The following MGAT4C variants were observed in gnomAD, a reference collection of about 807,000 sequenced individuals.
MGAT4C encodes the protein alpha-1,3-mannosyl-glycoprotein 4-beta-N-acetylglucosaminyltransferase C.
Under a neutral mutation model 40.1 loss-of-function variants are expected in MGAT4C, and 19 were observed. The observed-to-expected ratio is 0.47, with a 90% CI of 0.33 to 0.70. The LOEUF (loss-of-function observed/expected upper bound fraction) is 0.70. Ranked by LOEUF, MGAT4C falls within the 30% of genes least tolerant of loss-of-function variation. The pLI is 0.02. For missense variants in MGAT4C, 491 were observed against 563.2 expected, an observed-to-expected ratio of 0.87 and a Z score of 1.30; for synonymous variants, 181 against 187.1, an observed-to-expected ratio of 0.97 and a Z score of 0.27.
intron 1 of MGAT4C, among the ~76,000 whole-genome samples, chr12:86,134,040 T>A (rs1456083481): frequency 2.0e-5 from 3 of 152,056 alleles, no homozygotes; most frequent in Non-Finnish European, 2.9e-5. Context: ...TTTTCTTGAA[T>A]TCAAGAAGAA....
chr12:86,736,406 C>A (rs1950986434), intron 1 of MGAT4C, among the ~76,000 whole-genome samples: 1 of 151,834 alleles, frequency 6.6e-6, no homozygotes, highest in Admixed American at 6.6e-5. Context: ...TCATACTTCC[C>A]TTATTATCCG....
chr12:86,132,126 T>A (rs1182081586), intron 1 of MGAT4C, among the ~76,000 whole-genome samples: 1 of 152,144 alleles, frequency 6.6e-6, no homozygotes, highest in Admixed American at 6.5e-5. Context: ...ATTCTCATGC[T>A]GAAATTAAAA....
At chr12:86,658,258 T>C (rs755947028) in intron 2 of MGAT4C, among the ~76,000 whole-genome samples, 6 of 152,074 alleles carry the variant, frequency 3.9e-5, no homozygotes, top group African/African-American at 9.7e-5. Context: ...AAGCAATCAA[T>C]TGAATAGCAG....
chr12:86,690,663 G>A (rs944644492), intron 2 of MGAT4C, among the ~76,000 whole-genome samples: 5 of 152,058 alleles, frequency 3.3e-5, no homozygotes, highest in Admixed American at 6.6e-5. Flanking sequence ...GAGATGAGCC[G>A]GGTACCTTAG....
Position 86,825,804 on chromosome 12 carries a change from G to A in MGAT4C, c.-262+12862C>T, listed in dbSNP as rs1042957434. Among the ~76,000 whole-genome samples the A allele has an allele frequency of 5.3e-5, 8 of 151,516 alleles. No homozygotes were observed. The South Asian group carries it at 1.7e-3, about 31-fold the overall frequency. On this transcript the variant is annotated intron_variant, in intron 1 of 7. Coordinates refer to the MGAT4C transcript ENST00000548651. Reference sequence around the variant, plus strand: ...GATACTACAGTGCCCCTTGGCTGATGCAAGTGAACATAAATTTATATATTT... The same window carrying A: ...GATACTACAGTGCCCCTTGGCTGATACAAGTGAACATAAATTTATATATTT...
At chr12:86,051,930 T>A (rs1892937487) in intron 1 of MGAT4C, among the ~76,000 whole-genome samples, 1 of 151,832 alleles carries the variant, frequency 6.6e-6, no homozygotes, top group South Asian at 2.1e-4. Context: ...TGCAAATAAT[T>A]GTGCTAGCAT....
intron 1 of MGAT4C, among the ~76,000 whole-genome samples, chr12:86,808,980 C>G (rs959645609): frequency 1.3e-5 from 2 of 152,026 alleles, no homozygotes; most frequent in Non-Finnish European, 2.9e-5. Flanking sequence ...CATTCCAATA[C>G]ACCAACAACC....
intron 1 of MGAT4C, 119 bp from the exon 2 acceptor site, chr12:86,049,842 A>G (rs896813135): frequency 4.6e-5 from 9 of 194,498 alleles, no homozygotes; most frequent in Non-Finnish European, 1.9e-5. Context: ...CATTAGGATC[A>G]TATTTATAAA....
intron 1 of MGAT4C, among the ~76,000 whole-genome samples, chr12:86,115,125 C>T (rs1222724353): frequency 3.3e-5 from 5 of 151,568 alleles, no homozygotes; most frequent in East Asian, 3.9e-4. Context: ...TACCAGTTGA[C>T]GAAGGAAGAG....
At chr12:86,160,587 G>A (rs1566070286) in intron 1 of MGAT4C, among the ~76,000 whole-genome samples, 1 of 151,938 alleles carries the variant, frequency 6.6e-6, no homozygotes, top group Non-Finnish European at 1.5e-5. Flanking sequence ...TGTTTCTTAG[G>A]TCTAATTGGT....
intron 2 of MGAT4C, among the ~76,000 whole-genome samples, chr12:86,644,499 A>T (rs189593104): frequency 2.9e-4 from 44 of 151,852 alleles, no homozygotes; most frequent in Non-Finnish European, 6.0e-4. Flanking sequence ...TGGAAGTTCA[A>T]ATTTGTATAA....
At chr12:86,571,152 GAAT>G (rs1383866455) in intron 2 of MGAT4C, among the ~76,000 whole-genome samples, 1 of 151,930 alleles carries the variant, frequency 6.6e-6, no homozygotes, top group Non-Finnish European at 1.5e-5. Flanking sequence ...AGCTTTATTT[GAAT>G]AATAATACCC....
chr12:86,093,091 T>G (rs1202897668), intron 1 of MGAT4C, among the ~76,000 whole-genome samples: 1 of 152,090 alleles, frequency 6.6e-6, no homozygotes, highest in Non-Finnish European at 1.5e-5. Context: ...TCACTGAAAC[T>G]TTGTCTCTAT....
chr12:86,470,093 A>G (rs1957737424), intron 2 of MGAT4C, among the ~76,000 whole-genome samples: 1 of 152,120 alleles, frequency 6.6e-6, no homozygotes, highest in South Asian at 2.1e-4. Flanking sequence ...TGAGTTTTTT[A>G]ATATTTTGGC....
At chr12:86,296,767 C>T (rs567864518) in intron 4 of MGAT4C, among the ~76,000 whole-genome samples, 8 of 152,318 alleles carry the variant, frequency 5.3e-5, no homozygotes, top group African/African-American at 1.9e-4. Flanking sequence ...TTCCTGCTCG[C>T]GCCTCTCCCT....
At chr12:86,780,872 ATTGTT>A in intron 1 of MGAT4C, among the ~76,000 whole-genome samples, 1 of 152,170 alleles carries the variant, frequency 6.6e-6, no homozygotes, top group East Asian at 1.9e-4. Context: ...ATATCCATAC[ATTGTT>A]TAGTTTCCAC....
intron 1 of MGAT4C, among the ~76,000 whole-genome samples, chr12:86,749,178 A>C (rs1359005787): frequency 6.6e-6 from 1 of 151,698 alleles, no homozygotes; most frequent in Non-Finnish European, 1.5e-5. Flanking sequence ...GGTTTTTCTC[A>C]GTAGTTAAAT....
chr12:86,694,669 A>G (rs77803887), intron 2 of MGAT4C, among the ~76,000 whole-genome samples: 5,372 of 152,296 alleles, frequency 0.035, 173 homozygotes, highest in African/African-American at 0.088. Context: ...TTGAATTATC[A>G]AGGTTATTTA....
rs185346994 is a variant in MGAT4C, at chr12:86,707,512, G to T, written c.-229+19697C>A. On this transcript the variant is annotated intron_variant, in intron 2 of 7. Coordinates refer to the MGAT4C transcript ENST00000548651. ...GAGAGATGGTTTAGGGTATCTGGCG[G>T]AGGAATTTTTCTTTTCTTTTTTTTT... 8.6e-3 allele frequency among the ~76,000 whole-genome samples: 1,298 copies of T among 151,504 alleles called. 7 individuals are homozygous for T. Among genetic ancestry groups the T allele is most frequent in the Middle Eastern group, 0.017 (5 of 292 alleles).
Sources: gnomAD v4.1 joint callset for allele counts (sites outside exome capture counted in the v4.1 genomes callset) on GRCh38, gnomAD v4.1.1 for gene constraint, MANE v1.5 for transcripts, NCBI Gene and HGNC (gene_info 2026-07-23, HGNC 2026-07-21) for gene names.